Variants in EPS8 observed in about 807,000 individuals in gnomAD.
EPS8 encodes epidermal growth factor receptor kinase substrate 8.
EPS8 carries 42 observed loss-of-function variants against 103.8 expected under a neutral mutation model. That is an observed-to-expected ratio of 0.40 (90% CI 0.32 to 0.52). The LOEUF is 0.52. Among genes scored for constraint, EPS8 ranks in the 20% least tolerant of loss-of-function variants. EPS8 has a pLI of 0.40. For missense variants in EPS8, 969 were observed against 1,005.1 expected (o/e 0.96, Z 0.49); for synonymous variants, 344 against 344.6 (o/e 1.00, Z 0.02).
Position 15,621,401 on chromosome 12 carries a change from T to A in EPS8, c.2385A>T (p.Glu795Asp), listed in dbSNP as rs772625465. ...EDSSGSSELQ[E>D]IMRRRQEKIS... ...TTTTTTCCTGTCGTCTTCTCATAATTTCTTGTAACTCGGAGCTGCCACTGC... is the reference window on the plus strand; with the variant it reads ...TTTTTTCCTGTCGTCTTCTCATAATATCTTGTAACTCGGAGCTGCCACTGC... The change falls in exon 21 of 21, where the codon GAA becomes GAT. Residue 795 changes from glutamate (E) to aspartate (D), a missense_variant. Physicochemically the swap from Glu to Asp is conservative, Grantham distance 45 (BLOSUM62 2). Transcript: ENST00000281172. 12 of 1,604,428 alleles carry A rather than the reference T, an allele frequency of 7.5e-6. No homozygotes were observed. Among genetic ancestry groups the A allele is most frequent in the Non-Finnish European group, 1.0e-5 (12 of 1,175,810 alleles).
chr12:15,653,803 G>A lies in EPS8; in HGVS notation c.1250+342C>T, dbSNP rs113721037. ...ATGGACTAGCAAGCACTGTGCGCGC[G>A]CGCGCGCATGTGTATGTGTGTGTGA... On this transcript the variant is annotated intron_variant, in intron 13 of 20. Coordinates refer to ENST00000281172, the MANE Select transcript of EPS8 (RefSeq NM_004447.6). Among the ~76,000 whole-genome samples the A allele has an allele frequency of 8.8e-3, 1,342 of 152,254 alleles. 27 individuals are homozygous for A. The highest frequency in any genetic ancestry group is 0.031 in the African/African-American group (1,285 of 41,540).
At chr12:15,740,951 G>T (rs368683338) in intron 1 of EPS8, among the ~76,000 whole-genome samples, 12 of 152,316 alleles carry the variant, frequency 7.9e-5, no homozygotes, top group African/African-American at 2.9e-4. Flanking sequence ...TTAGTGACCT[G>T]TATGTTCCAA....
chr12:15,691,475 T>C (rs1287344776), intron 1 of EPS8, among the ~76,000 whole-genome samples: 3 of 152,078 alleles, frequency 2.0e-5, no homozygotes, highest in Admixed American at 1.3e-4. Context: ...TATAGTACAA[T>C]GTGGCAAGTA....
In EPS8 at chr12:15,669,769, T is replaced by C. The variant is rs1446168079; in HGVS notation, c.261A>G (p.Gly87=). 1.9e-6 allele frequency: 3 copies of C among 1,613,560 alleles called. No individual in the cohort carries two copies. The African/African-American group carries it at 4.0e-5, about 22-fold the overall frequency. The part of the protein sequence containing the change: ...RKDAMITVDD[G]IRKLKLLDAK... Reference sequence around the variant, plus strand: ...CATCAAGCAATTTCAATTTCCTTATTCCATCATCAACAGTGATCATAGCAT... The same window carrying C: ...CATCAAGCAATTTCAATTTCCTTATCCCATCATCAACAGTGATCATAGCAT... The change falls in exon 5 of 21, where the codon GGA becomes GGG. Residue 87 remains glycine, a synonymous_variant. Coordinates refer to ENST00000281172, the MANE Select transcript of EPS8 (RefSeq NM_004447.6).
chr12:15,686,479 T>C (rs1451807159), intron 1 of EPS8, among the ~76,000 whole-genome samples: 1 of 152,194 alleles, frequency 6.6e-6, no homozygotes, highest in Non-Finnish European at 1.5e-5. Flanking sequence ...TAGTAAGTCG[T>C]AGTTACTATA....
intron 3 of EPS8, among the ~76,000 whole-genome samples, chr12:15,679,385 T>A (rs1945965458): frequency 6.6e-6 from 1 of 152,178 alleles, no homozygotes; most frequent in Admixed American, 6.5e-5. Context: ...ACTCTCCAGT[T>A]AACACCAAAT....
In EPS8 at chr12:15,777,398, A is replaced by G. The variant is rs1411322133; in HGVS notation, c.-22+11763T>C. 6.6e-6 allele frequency among the ~76,000 whole-genome samples: 1 copy of G among 152,200 alleles called. No homozygotes were observed. The highest frequency in any genetic ancestry group is 1.5e-5 in the Non-Finnish European group (1 of 68,022). On this transcript the variant is annotated intron_variant, in intron 1 of 20. Coordinates refer to ENST00000281172, the MANE Select transcript of EPS8 (RefSeq NM_004447.6). The surrounding 1 kb of genome is among the most constrained non-coding windows in gnomAD (Gnocchi z 4.7). Reference sequence around the variant, plus strand: ...ACTGAATGGTGTTAAGATGCATTCCAGTTAAAGTTAAGCACTGTTAACACA... The same window carrying G: ...ACTGAATGGTGTTAAGATGCATTCCGGTTAAAGTTAAGCACTGTTAACACA...
intron 2 of EPS8, among the ~76,000 whole-genome samples, chr12:15,682,188 G>A (rs975916940): frequency 2.6e-5 from 4 of 152,198 alleles, no homozygotes; most frequent in South Asian, 2.1e-4. Flanking sequence ...GTGGAAAGAT[G>A]CAGTTAATGT....
chr12:15,650,070 T>C lies in EPS8; in HGVS notation c.1434+753A>G, dbSNP rs532733905. The stretch of plus-strand genomic sequence containing the variant: ...ACAAACAAGAAGAGTCATAGAAACA[T>C]CACTTTTAGGGAATGTGACAAAACA... On this transcript the variant is annotated intron_variant, in intron 14 of 20. Coordinates refer to ENST00000281172, the MANE Select transcript of EPS8 (RefSeq NM_004447.6). Among the ~76,000 whole-genome samples the C allele has an allele frequency of 1.1e-4, 17 of 152,340 alleles. 2 individuals carry two copies. The South Asian group carries it at 3.5e-3, about 32-fold the overall frequency.
intron 1 of EPS8, among the ~76,000 whole-genome samples, chr12:15,703,611 A>G (rs545518312): frequency 5.5e-4 from 84 of 151,998 alleles, no homozygotes; most frequent in African/African-American, 1.9e-3. Flanking sequence ...CCAGATTGTG[A>G]GGGGCCTTGT....
In EPS8 at chr12:15,669,763, C is replaced by G. The variant is rs774922886; in HGVS notation, c.267G>C (p.Arg89Ser). 1.2e-6 allele frequency: 2 copies of G among 1,613,728 alleles called. No homozygotes were observed. Among genetic ancestry groups the G allele is most frequent in the South Asian group, 2.2e-5 (2 of 91,004 alleles). Residue 89 changes from arginine to serine, a missense_variant, in exon 5 of 21, where the codon AGG becomes AGC. Coordinates refer to ENST00000281172, the MANE Select transcript of EPS8 (RefSeq NM_004447.6). ...CCTTGGCATCAAGCAATTTCAATTT[C>G]CTTATTCCATCATCAACAGTGATCA... is the stretch of plus-strand genomic sequence containing the variant. ...DAMITVDDGIRKLKLLDAKGK... is the reference protein window; with the variant it reads ...DAMITVDDGISKLKLLDAKGK...
intron 1 of EPS8, among the ~76,000 whole-genome samples, chr12:15,707,914 T>C (rs567720001): frequency 6.6e-6 from 1 of 152,322 alleles, no homozygotes; most frequent in African/African-American, 2.4e-5. Flanking sequence ...CTATCTCTAA[T>C]TCTCTAATTG....
chr12:15,649,116 C>T (rs1388099387), intron 14 of EPS8, among the ~76,000 whole-genome samples: 1 of 152,054 alleles, frequency 6.6e-6, no homozygotes, highest in Non-Finnish European at 1.5e-5. Context: ...ACTACTTCAG[C>T]CATAAAATGA....
chr12:15,630,531 G>A (rs1945026784), intron 18 of EPS8, among the ~76,000 whole-genome samples: 1 of 152,124 alleles, frequency 6.6e-6, no homozygotes, highest in Admixed American at 6.5e-5. Flanking sequence ...GGTTTTCATA[G>A]AAACCATTTA....
chr12:15,743,250 A>G (rs1030265580), intron 1 of EPS8, among the ~76,000 whole-genome samples: 6 of 152,182 alleles, frequency 3.9e-5, no homozygotes, highest in African/African-American at 1.2e-4. Flanking sequence ...CCACTACTCA[A>G]TGAAATAAAA....
In EPS8 at chr12:15,764,619, TA is replaced by T. The variant is rs1280280563; in HGVS notation, c.-22+24541del. ...TTGATGAAACTTCAACCAGATAAAG[TA>T]ATGTCTGAACCTCTGAAGCCAGAAA... is the stretch of plus-strand genomic sequence containing the variant. On this transcript the variant is annotated intron_variant, in intron 1 of 20. Transcript: ENST00000281172. The surrounding 1 kb of genome is among the most constrained non-coding windows in gnomAD (Gnocchi z 4.1). 5.9e-5 allele frequency among the ~76,000 whole-genome samples: 9 copies of T among 152,196 alleles called. No individual in the cohort carries two copies. The highest frequency in any genetic ancestry group is 1.3e-4 in the Non-Finnish European group (9 of 68,032).
chr12:15,641,570 T>A, intron 16 of EPS8, 152 bp downstream of exon 16: 1 of 389,560 alleles, frequency 2.6e-6, no homozygotes, highest in Non-Finnish European at 4.5e-6. Flanking sequence ...AGAAGGAGTA[T>A]CTATATACCC....
rs1174974835 is a variant in EPS8 at position 15,757,264 on chromosome 12, G to T, written c.-22+31897C>A. Among the ~76,000 whole-genome samples, 1 of 152,158 alleles carries T rather than the reference G, an allele frequency of 6.6e-6. No homozygotes were observed. The highest frequency in any genetic ancestry group is 2.4e-5 in the African/African-American group (1 of 41,430). On this transcript the variant is annotated intron_variant, in intron 1 of 20. Coordinates refer to ENST00000281172, the MANE Select transcript of EPS8 (RefSeq NM_004447.6). This position sits in a 1 kb window ranked among gnomAD's most constrained non-coding sequence, Gnocchi z 4.1. The stretch of plus-strand genomic sequence containing the variant: ...GTTCTTGACAAGAAACTTGGTGGAA[G>T]CTGATTCTATCCAAAATTAAACTTT...
chr12:15,643,496 T>C lies in EPS8; in HGVS notation c.1569-1666A>G, dbSNP rs377642868. On this transcript the variant is annotated intron_variant, in intron 15 of 20. Coordinates refer to ENST00000281172, the MANE Select transcript of EPS8 (RefSeq NM_004447.6). Reference sequence around the variant, plus strand: ...GGTTCATGCCCGTAATCCTAGCACTTTGGGAGGCCGAGGAGGGCGGATCAC... The same window carrying C: ...GGTTCATGCCCGTAATCCTAGCACTCTGGGAGGCCGAGGAGGGCGGATCAC... 1.8e-4 allele frequency among the ~76,000 whole-genome samples: 28 copies of C among 152,178 alleles called. No individual in the cohort carries two copies. The East Asian group carries it at 5.0e-3, about 27-fold the overall frequency.
Sources: gnomAD v4.1 joint callset for allele counts (sites outside exome capture counted in the v4.1 genomes callset) on GRCh38, gnomAD v4.1.1 for gene constraint, Gnocchi (gnomAD v3.1) non-coding constraint, MANE v1.5 for transcripts, NCBI Gene and HGNC (gene_info 2026-07-23, HGNC 2026-07-21) for gene names.